Variants in SLC35D1 observed in about 807,000 individuals in gnomAD.
SLC35D1 encodes solute carrier family 35 member D1.
SLC35D1 carries 31 observed loss-of-function variants against 46.7 expected under a neutral mutation model. The ratio of observed to expected loss-of-function variants is 0.66; its 90% CI spans 0.50 to 0.90. The LOEUF (loss-of-function observed/expected upper bound fraction) is 0.90. Among genes scored for constraint, SLC35D1 ranks in the 40% least tolerant of loss-of-function variants. The pLI is 0.00. For missense variants in SLC35D1, 397 were observed against 426.2 expected (o/e 0.93, Z 0.60); for synonymous variants, 195 against 164.6 (o/e 1.18, Z -1.41).
chr1:67,012,049 T>A (rs1667576389), intron 10 of SLC35D1, among the ~76,000 whole-genome samples: 1 of 152,210 alleles, frequency 6.6e-6, no homozygotes, highest in Non-Finnish European at 1.5e-5. Flanking sequence ...GTCTCTGCCA[T>A]CTGGGGGCAT....
intron 8 of SLC35D1, among the ~76,000 whole-genome samples, chr1:67,031,762 T>C (rs1233425090): frequency 2.0e-5 from 3 of 152,138 alleles, no homozygotes; most frequent in Non-Finnish European, 4.4e-5. Context: ...CCTGTGAGGA[T>C]CAACTGAGAG....
At chr1:67,007,056 T>C (rs906885926) in intron 11 of SLC35D1, among the ~76,000 whole-genome samples, 1 of 152,172 alleles carries the variant, frequency 6.6e-6, no homozygotes, top group African/African-American at 2.4e-5. Context: ...ACACGGATAA[T>C]CTTCTCTTCA....
intron 11 of SLC35D1, 79 bp from the exon 12 acceptor site, chr1:67,004,527 A>G (rs1239092463): frequency 8.1e-7 from 1 of 1,232,452 alleles, no homozygotes; most frequent in African/African-American, 1.5e-5. Context: ...AAAAAAACTT[A>G]CACCAAAAAA....
chr1:67,010,286 C>A (rs987712043), intron 10 of SLC35D1, among the ~76,000 whole-genome samples: 1 of 152,136 alleles, frequency 6.6e-6, no homozygotes, highest in Non-Finnish European at 1.5e-5. Flanking sequence ...GCCTCAGTGA[C>A]ACACAATTTA....
At chr1:66,990,459 GT>G in the SLC35D1 span, among the ~76,000 whole-genome samples, 1 of 151,952 alleles carries the variant, frequency 6.6e-6, no homozygotes. Flanking sequence ...TGTAGACAGG[GT>G]TTTGCTGTGT....
chr1:67,030,423 C>T (rs1452983323), intron 8 of SLC35D1, among the ~76,000 whole-genome samples: 1 of 152,114 alleles, frequency 6.6e-6, no homozygotes, highest in African/African-American at 2.4e-5. Flanking sequence ...AATGATAATT[C>T]TCTGAACCTT....
At chr1:67,041,995 C>T (rs1374287751) in intron 8 of SLC35D1, among the ~76,000 whole-genome samples, 1 of 152,178 alleles carries the variant, frequency 6.6e-6, no homozygotes, top group African/African-American at 2.4e-5. Flanking sequence ...AAGAAAAAGA[C>T]ACTAGCTGGC....
At chr1:66,998,281 G>A (rs1305792748), downstream of SLC35D1, among the ~76,000 whole-genome samples, 3 of 152,026 alleles carry the variant, frequency 2.0e-5, no homozygotes, top group Non-Finnish European at 4.4e-5. Context: ...CTGAGGTCAG[G>A]AGTTCGAGAC....
chr1:67,024,602 T>C (rs1345572162), intron 8 of SLC35D1, among the ~76,000 whole-genome samples: 1 of 152,208 alleles, frequency 6.6e-6, no homozygotes, highest in Non-Finnish European at 1.5e-5. Context: ...ACAATCTTTT[T>C]CTTGCCTCTC....
the SLC35D1 span, among the ~76,000 whole-genome samples, chr1:66,990,337 T>C: frequency 2.0e-5 from 3 of 152,146 alleles, no homozygotes; most frequent in African/African-American, 7.2e-5. Flanking sequence ...TGCAGTGGTA[T>C]GATCACTGCT....
the SLC35D1 span, chr1:66,985,122 A>T: frequency 8.4e-7 from 1 of 1,190,258 alleles, no homozygotes. Flanking sequence ...AGTAAATTTG[A>T]ATGAACTAAA....
the SLC35D1 span, among the ~76,000 whole-genome samples, chr1:66,992,211 T>C: frequency 6.6e-6 from 1 of 152,114 alleles, no homozygotes; most frequent in Non-Finnish European, 1.5e-5. Flanking sequence ...AAAAGCTTGG[T>C]TTTCAGAGCC....
the SLC35D1 span, among the ~76,000 whole-genome samples, chr1:66,978,804 G>A: frequency 2.6e-5 from 4 of 152,198 alleles, no homozygotes; most frequent in East Asian, 3.8e-4. Flanking sequence ...GGCTGGCTTA[G>A]TTGGTCCTCT....
At chr1:67,032,549 C>T (rs1044719028) in intron 8 of SLC35D1, among the ~76,000 whole-genome samples, 1 of 151,914 alleles carries the variant, frequency 6.6e-6, no homozygotes, top group East Asian at 1.9e-4. Context: ...GGCGTGGTGG[C>T]GTGCACCTGT....
At chr1:67,046,796 C>G (rs766775189) in intron 7 of SLC35D1, among the ~76,000 whole-genome samples, 16 of 152,108 alleles carry the variant, frequency 1.1e-4, no homozygotes, top group Non-Finnish European at 2.4e-4. Flanking sequence ...ACTGTGTTGC[C>G]CCTAAGAGAG....
At chr1:66,979,273 A>T in the SLC35D1 span, among the ~76,000 whole-genome samples, 1 of 152,180 alleles carries the variant, frequency 6.6e-6, no homozygotes, top group Admixed American at 6.5e-5. Flanking sequence ...TAATAGCTGC[A>T]CTTTAAGTGA....
At chr1:66,976,523 A>G in the SLC35D1 span, 1 of 1,447,162 alleles carries the variant, frequency 6.9e-7, no homozygotes, top group African/African-American at 1.4e-5. Context: ...TTATTTTCAA[A>G]CTTCAGATGT....
the SLC35D1 span, among the ~76,000 whole-genome samples, chr1:66,982,597 A>G: frequency 6.6e-6 from 1 of 152,224 alleles, no homozygotes; most frequent in Non-Finnish European, 1.5e-5. Context: ...AAGAGTTCCA[A>G]GAAGAAAGTA....
In SLC35D1 at chr1:67,009,152, A is replaced by G. The variant is rs779873232; in HGVS notation, c.892T>C (p.Tyr298His). The change falls in exon 11 of 12, where the codon TAT (tyrosine) becomes CAT (histidine). Residue 298 changes from tyrosine (Y) to histidine (H), a missense_variant. Coordinates refer to ENST00000235345, the MANE Select transcript of SLC35D1 (RefSeq NM_015139.3). ...VGCIKNILIT[Y>H]IGMVFGGDYI... ...TCTCCACCAAAGACCATTCCAATAT[A>G]AGTTATTAATATATTCTAAAAATAA... The G allele has an allele frequency of 6.4e-6, 9 of 1,407,390 alleles. No individual in the cohort carries two copies. The African/African-American group carries it at 1.1e-4, about 18-fold the overall frequency. 87.2% of individuals were successfully genotyped at this position (1,407,390 alleles called of 1,614,324 possible).
Sources: allele counts gnomAD v4.1 joint callset (sites outside exome capture counted in the v4.1 genomes callset), GRCh38; gene constraint gnomAD v4.1.1; transcripts MANE v1.5; gene names NCBI Gene and HGNC (gene_info 2026-07-23, HGNC 2026-07-21).